DZIP3: variants seen among roughly 807,000 people sequenced by gnomAD.
The protein encoded by DZIP3 is E3 ubiquitin-protein ligase DZIP3.
A neutral mutation model predicts 162.0 loss-of-function variants in DZIP3; 118 were observed. That is an observed-to-expected ratio of 0.73 (90% CI 0.63 to 0.85). DZIP3 has a LOEUF of 0.85. Among genes scored for constraint, DZIP3 ranks in the 40% least tolerant of loss-of-function variants. The pLI, the probability that DZIP3 is intolerant of heterozygous loss-of-function variation, is 0.00. For missense variants in DZIP3, 1,331 were observed against 1,407.0 expected (o/e 0.95, Z 0.86); for synonymous variants, 438 against 458.6 (o/e 0.96, Z 0.57).
intron 12 of DZIP3, 52 bp from the exon 13 acceptor site, chr3:108,642,386 G>T: frequency 1.4e-6 from 2 of 1,432,168 alleles, no homozygotes; most frequent in South Asian, 2.6e-5. Context: ...AATCTTGACT[G>T]ACTTTGGTAT....
rs1942527511 is a variant in DZIP3, at chr3:108,644,374, T to A, written c.1352T>A (p.Leu451Gln). The change falls in exon 14 of 33, where the codon CTG becomes CAG. Residue 451 changes from leucine to glutamine, a missense_variant. Around this residue, in one of 2 missense-constraint regions of DZIP3, gnomAD observed 1,278 missense variants for 1,317.1 expected, o/e 0.97. Transcript: ENST00000361582. ...TNHPLGGSWH[L>Q]LYPPNKELPQ... ...CATCCTTTGGGTGGATCATGGCATCTGCTTTATCCTCCTAACAAGGAGTTA... is the reference window on the plus strand; with the variant it reads ...CATCCTTTGGGTGGATCATGGCATCAGCTTTATCCTCCTAACAAGGAGTTA... 6.2e-7 allele frequency: 1 copy of A among 1,614,000 alleles called. No individual in the cohort carries two copies. Among genetic ancestry groups the A allele is most frequent in the Non-Finnish European group, 8.5e-7 (1 of 1,179,988 alleles).
chr3:108,638,930 C>T (rs1942272837), intron 12 of DZIP3, among the ~76,000 whole-genome samples: 1 of 152,222 alleles, frequency 6.6e-6, no homozygotes, highest in African/African-American at 2.4e-5. Flanking sequence ...CGTGCCATCT[C>T]TTGTCACTGT....
At chr3:108,637,378 T>C in intron 11 of DZIP3, 118 bp from the exon 12 acceptor site, 1 of 915,726 alleles carries the variant, frequency 1.1e-6, no homozygotes, top group Non-Finnish European at 1.7e-6. Flanking sequence ...TTTGTTTGTT[T>C]TATATTCACT....
chr3:108,690,866 GT>G lies in DZIP3; in HGVS notation c.3597del (p.His1200ThrfsTer15), dbSNP rs757240663. On this transcript the variant is annotated frameshift_variant, in exon 32 of 33. Coordinates refer to ENST00000361582, the MANE Select transcript of DZIP3 (RefSeq NM_014648.4). LOFTEE classifies it high-confidence loss of function. ...LHVLLPEEFP[G>X]HPSRQLPKI Reference sequence around the variant, plus strand: ...GTTTTGCTACCAGAAGAATTCCCTGGTCACCCCAGCCGGCAGTTGCCCAAGA... The same window carrying G: ...GTTTTGCTACCAGAAGAATTCCCTGGCACCCCAGCCGGCAGTTGCCCAAGA... 1.2e-6 allele frequency: 2 copies of G among 1,614,130 alleles called. No individual in the cohort carries two copies. The highest frequency in any genetic ancestry group is 2.2e-5 in the South Asian group (2 of 91,086).
At chr3:108,662,643 C>G (rs1468077328) in intron 21 of DZIP3, among the ~76,000 whole-genome samples, 1 of 152,110 alleles carries the variant, frequency 6.6e-6, no homozygotes, top group Non-Finnish European at 1.5e-5. Context: ...TTATGTTGGT[C>G]TTTCATTTGT....
intron 1 of DZIP3, among the ~76,000 whole-genome samples, chr3:108,599,706 A>T (rs557842395): frequency 3.3e-4 from 50 of 152,092 alleles, no homozygotes; most frequent in Non-Finnish European, 6.3e-4. Context: ...TTTGGGAGAT[A>T]AATTAGGTCA....
intron 1 of DZIP3, among the ~76,000 whole-genome samples, chr3:108,600,040 G>C (rs1226850524): frequency 2.6e-4 from 40 of 152,146 alleles, no homozygotes; most frequent in Admixed American, 2.6e-3. Flanking sequence ...CTGATTCCAA[G>C]GAACTCCTAT....
At chr3:108,681,981 G>C (rs1377550329) in intron 26 of DZIP3, among the ~76,000 whole-genome samples, 1 of 150,436 alleles carries the variant, frequency 6.6e-6, no homozygotes, top group East Asian at 1.9e-4. Context: ...TAATGTAGAT[G>C]ACGGGTTGAT....
intron 26 of DZIP3, among the ~76,000 whole-genome samples, chr3:108,682,737 C>A (rs1249050798): frequency 1.3e-5 from 2 of 150,514 alleles, no homozygotes; most frequent in Non-Finnish European, 2.9e-5. Context: ...TTATATATCT[C>A]AAAATGGCTA....
At chr3:108,665,635 G>A (rs1943636196) in intron 21 of DZIP3, among the ~76,000 whole-genome samples, 1 of 152,056 alleles carries the variant, frequency 6.6e-6, no homozygotes, top group African/African-American at 2.4e-5. Context: ...ACCCCGAATA[G>A]CAAAAACTCA....
At chr3:108,623,808 T>C (rs998188938) in intron 5 of DZIP3, among the ~76,000 whole-genome samples, 2 of 152,230 alleles carry the variant, frequency 1.3e-5, no homozygotes, top group Non-Finnish European at 2.9e-5. Context: ...ACTCAGGCTC[T>C]GACTGCTGGG....
intron 5 of DZIP3, among the ~76,000 whole-genome samples, chr3:108,621,866 T>A (rs1941366879): frequency 1.3e-5 from 2 of 152,036 alleles, no homozygotes; most frequent in African/African-American, 4.8e-5. Flanking sequence ...TAAGTGTCCA[T>A]CCAGATGAAT....
At chr3:108,661,852 C>T (rs1943450165) in intron 19 of DZIP3, 25 bp from the exon 20 acceptor site, 3 of 1,568,130 alleles carry the variant, frequency 1.9e-6, no homozygotes, top group Non-Finnish European at 2.6e-6. Context: ...GAAAATAATA[C>T]ATGCATATTT....
At chr3:108,660,342 A>G (rs1197261160) in intron 19 of DZIP3, among the ~76,000 whole-genome samples, 1 of 152,232 alleles carries the variant, frequency 6.6e-6, no homozygotes, top group African/African-American at 2.4e-5. Flanking sequence ...CCACATATCT[A>G]CAACTATCTG....
chr3:108,662,190 A>G lies in DZIP3; in HGVS notation c.2356A>G (p.Lys786Glu), dbSNP rs1294518480. 2 of 1,609,912 alleles carry G rather than the reference A, an allele frequency of 1.2e-6. No homozygotes were observed. Among genetic ancestry groups the G allele is most frequent in the South Asian group, 1.1e-5 (1 of 89,748 alleles). Reference sequence around the variant, plus strand: ...GTGGCAAGAAAACCAAATGCAGATTAAAAAGAAAGACAAAATTATCGCATC... The same window carrying G: ...GTGGCAAGAAAACCAAATGCAGATTGAAAAGAAAGACAAAATTATCGCATC... ...FRWQENQMQI[K>E]KKDKIIASLN... The change falls in exon 21 of 33, where the codon AAA becomes GAA. Residue 786 changes from lysine to glutamate, a missense_variant. Transcript: ENST00000361582.
intron 7 of DZIP3, 35 bp from the exon 8 acceptor site, chr3:108,629,027 C>G: frequency 1.5e-6 from 2 of 1,358,362 alleles, no homozygotes; most frequent in Non-Finnish European, 2.0e-6. Context: ...TACACAGTCC[C>G]GTTCAAACTA....
chr3:108,614,544 A>G lies in DZIP3; in HGVS notation c.259-1997A>G, dbSNP rs552432466. Among the ~76,000 whole-genome samples the G allele has an allele frequency of 3.9e-5, 6 of 152,256 alleles. No homozygotes were observed. In the East Asian group the frequency reaches 5.8e-4, roughly 15 times the overall value. ...TAGCAGATTCTGTCATTGCCCCCCC[A>G]TACCAATTGGACCCTACCTATATTT... On this transcript the variant is annotated intron_variant, in intron 4 of 32. Coordinates refer to ENST00000361582, the MANE Select transcript of DZIP3 (RefSeq NM_014648.4).
rs1218754282 is a variant in DZIP3 at position 108,688,611 on chromosome 3, T to C, written c.3289T>C (p.Ser1097Pro). Residue 1097 changes from serine (S) to proline (P), a missense_variant, in exon 30 of 33, where the codon TCA (serine) becomes CCA (proline). By Grantham distance (74) the Ser-to-Pro change is moderately conservative. Coordinates refer to ENST00000361582, the MANE Select transcript of DZIP3 (RefSeq NM_014648.4). ...TTTTCAGAGTCAAGGAAAATCAGTG[T>C]CAAATGTTAATTGTGTTTCACCTAG... ...KKSQSQGKSV[S>P]NVNCVSPSHS... 2 of 1,611,818 alleles carry C rather than the reference T, an allele frequency of 1.2e-6. No individual in the cohort carries two copies. Among genetic ancestry groups the C allele is most frequent in the South Asian group, 2.2e-5 (2 of 90,350 alleles).
intron 26 of DZIP3, among the ~76,000 whole-genome samples, chr3:108,682,830 C>G (rs1337334303): frequency 6.6e-6 from 1 of 150,570 alleles, no homozygotes; most frequent in Non-Finnish European, 1.5e-5. Flanking sequence ...GATCGTTACA[C>G]CATACATGTA....
Sources: allele counts gnomAD v4.1 joint callset (sites outside exome capture counted in the v4.1 genomes callset), GRCh38; gene constraint gnomAD v4.1.1; regional missense constraint gnomAD v4.1.1; transcripts MANE v1.5; gene names NCBI Gene and HGNC (gene_info 2026-07-23, HGNC 2026-07-21).